Variants in CSMD1 observed in about 807,000 individuals in gnomAD.
The protein encoded by CSMD1 is CUB and Sushi multiple domains 1, also known as CUB and sushi domain-containing protein 1.
Under a neutral mutation model 417.5 loss-of-function variants are expected in CSMD1, and 213 were observed. That is an observed-to-expected ratio of 0.51 (90% CI 0.46 to 0.57). The LOEUF is 0.57. Ranked by LOEUF, CSMD1 falls within the 20% of genes least tolerant of loss-of-function variation. The pLI, the probability that CSMD1 is intolerant of heterozygous loss-of-function variation, is 0.00. For missense variants in CSMD1, 6,923 were observed against 4,529.7 expected, an observed-to-expected ratio of 1.53 and a Z score of -15.17; for synonymous variants, 2,862 against 1,736.8, an observed-to-expected ratio of 1.65 and a Z score of -16.11.
intron 5 of CSMD1, among the ~76,000 whole-genome samples, chr8:3,867,869 C>T (rs1176720700): frequency 2.0e-5 from 3 of 152,064 alleles, no homozygotes; most frequent in Non-Finnish European, 2.9e-5. Flanking sequence ...GGACCACTGG[C>T]CAGATCTTCC....
At chr8:4,413,173 C>G (rs547770315) in intron 3 of CSMD1, among the ~76,000 whole-genome samples, 11 of 152,250 alleles carry the variant, frequency 7.2e-5, no homozygotes, top group Non-Finnish European at 1.5e-4. Context: ...TCAGAGTTAA[C>G]ACCTTAAATT....
At chr8:4,988,998 G>A (rs1471210890) in intron 1 of CSMD1, among the ~76,000 whole-genome samples, 2 of 152,180 alleles carry the variant, frequency 1.3e-5, no homozygotes, top group Non-Finnish European at 2.9e-5. Context: ...AGACATACTG[G>A]TTAATCAAAG....
chr8:3,959,328 G>A (rs1183674480), intron 5 of CSMD1, among the ~76,000 whole-genome samples: 2 of 152,216 alleles, frequency 1.3e-5, no homozygotes, highest in South Asian at 2.1e-4. Flanking sequence ...AAAAAACCCT[G>A]TCTCTACTAA....
chr8:4,820,859 G>A (rs4875389), intron 1 of CSMD1, among the ~76,000 whole-genome samples: 128,509 of 152,156 alleles, frequency 0.84, 54,789 homozygotes, highest in Non-Finnish European at 0.91. Flanking sequence ...AAGAATAATT[G>A]TTGTTACTAC....
intron 7 of CSMD1, among the ~76,000 whole-genome samples, chr8:3,648,156 T>A (rs945592156): frequency 5.9e-5 from 9 of 152,346 alleles, no homozygotes; most frequent in Admixed American, 5.2e-4. Context: ...TTAAGTTAGA[T>A]ACTTCTCTAC....
At chr8:4,203,305 C>G (rs1025453999) in intron 3 of CSMD1, among the ~76,000 whole-genome samples, 5 of 152,116 alleles carry the variant, frequency 3.3e-5, no homozygotes, top group Admixed American at 6.6e-5. Context: ...CCCCTCAACA[C>G]CACGGGGTCG....
At chr8:3,425,663 G>A (rs1270274251) in intron 12 of CSMD1, among the ~76,000 whole-genome samples, 1 of 151,722 alleles carries the variant, frequency 6.6e-6, no homozygotes, top group Non-Finnish European at 1.5e-5. Context: ...GGAGCCCAGA[G>A]AGTTTTCATT....
At chr8:4,626,716 T>G (rs1802140899) in intron 2 of CSMD1, among the ~76,000 whole-genome samples, 1 of 152,068 alleles carries the variant, frequency 6.6e-6, no homozygotes, top group Non-Finnish European at 1.5e-5. Context: ...CATCCTGACC[T>G]ACCCTTCAGT....
chr8:3,924,580 G>A (rs746907410), intron 5 of CSMD1, among the ~76,000 whole-genome samples: 4 of 152,164 alleles, frequency 2.6e-5, no homozygotes, highest in Non-Finnish European at 5.9e-5. Flanking sequence ...CCTGTGACTG[G>A]ATAATTTTAA....
chr8:4,632,848 G>A (rs963174984), intron 2 of CSMD1, among the ~76,000 whole-genome samples: 1 of 152,204 alleles, frequency 6.6e-6, no homozygotes, highest in African/African-American at 2.4e-5. Context: ...CAGACCGGTA[G>A]AGGGAGAGGC....
intron 3 of CSMD1, among the ~76,000 whole-genome samples, chr8:4,230,972 T>C (rs1186163553): frequency 3.3e-5 from 5 of 152,188 alleles, no homozygotes; most frequent in African/African-American, 9.7e-5. Flanking sequence ...TTATTTCATT[T>C]GCAACATCAG....
At chr8:4,086,378 C>T (rs1428428271) in intron 3 of CSMD1, among the ~76,000 whole-genome samples, 1 of 152,132 alleles carries the variant, frequency 6.6e-6, no homozygotes, top group Non-Finnish European at 1.5e-5. Context: ...GAAAGCAAAA[C>T]AAAATTCAGT....
intron 25 of CSMD1, among the ~76,000 whole-genome samples, chr8:3,299,263 C>T (rs1265512501): frequency 6.6e-6 from 1 of 151,986 alleles, no homozygotes; most frequent in African/African-American, 2.4e-5. Flanking sequence ...ACCAGCCTGG[C>T]CAATATGGGG....
intron 3 of CSMD1, among the ~76,000 whole-genome samples, chr8:4,107,210 T>C (rs1177111221): frequency 2.0e-5 from 3 of 152,202 alleles, no homozygotes; most frequent in Non-Finnish European, 4.4e-5. Flanking sequence ...CTTGCACTAC[T>C]ACAGAGCTAG....
intron 3 of CSMD1, among the ~76,000 whole-genome samples, chr8:4,164,141 T>A (rs545564275): frequency 6.6e-6 from 1 of 152,172 alleles, no homozygotes; most frequent in Non-Finnish European, 1.5e-5. Context: ...GATAGTGTTC[T>A]CTTAAAATGT....
At chr8:4,591,984 C>T (rs17070710) in intron 2 of CSMD1, among the ~76,000 whole-genome samples, 12,109 of 151,902 alleles carry the variant, frequency 0.08, 1,086 homozygotes, top group African/African-American at 0.22. Context: ...TTGGCAAAGG[C>T]AAAACAGGCT....
At chr8:3,764,584 C>A (rs1216341160) in intron 5 of CSMD1, among the ~76,000 whole-genome samples, 1 of 151,970 alleles carries the variant, frequency 6.6e-6, no homozygotes, top group Non-Finnish European at 1.5e-5. Flanking sequence ...AGGATTTAAA[C>A]TTCTCTTGGA....
At chr8:4,276,861 G>C (rs1402400096) in intron 3 of CSMD1, among the ~76,000 whole-genome samples, 1 of 152,164 alleles carries the variant, frequency 6.6e-6, no homozygotes, top group East Asian at 1.9e-4. Context: ...TCCTTAATCA[G>C]AAAATAAGTT....
chr8:4,401,266 C>A (rs1289351643), intron 3 of CSMD1, among the ~76,000 whole-genome samples: 5 of 152,218 alleles, frequency 3.3e-5, no homozygotes, highest in Middle Eastern at 3.4e-3. Context: ...AGATATATGT[C>A]TTGAAACCTG....
Sources: gnomAD v4.1 joint callset for allele counts (sites outside exome capture counted in the v4.1 genomes callset) on GRCh38, gnomAD v4.1.1 for gene constraint, MANE v1.5 for transcripts, NCBI Gene and HGNC (gene_info 2026-07-23, HGNC 2026-07-21) for gene names.